ZNF606: variants seen among roughly 807,000 people sequenced by gnomAD.
ZNF606 encodes the protein zinc finger protein 328.
A neutral mutation model predicts 74.9 loss-of-function variants in ZNF606; 37 were observed. The ratio of observed to expected loss-of-function variants is 0.49; its 90% CI spans 0.38 to 0.65. The LOEUF (loss-of-function observed/expected upper bound fraction) is 0.65, where lower values mean the gene tolerates loss of function less well. Among genes scored for constraint, ZNF606 ranks in the 30% least tolerant of loss-of-function variants. ZNF606 has a pLI of 0.00. For synonymous variants in ZNF606, 328 were observed against 312.4 expected (o/e 1.05, Z -0.53); for missense variants, 852 against 952.9 (o/e 0.89, Z 1.39).
chr19:57,979,414 A>G lies in ZNF606; in HGVS notation c.1266T>C (p.His422=). 6.2e-7 allele frequency: 1 copy of G among 1,613,862 alleles called. No individual in the cohort carries two copies. Among genetic ancestry groups the G allele is most frequent in the East Asian group, 2.2e-5 (1 of 44,858 alleles). Residue 422 remains histidine (H), a synonymous_variant, in exon 7 of 7, where the codon CAT becomes CAC. Coordinates refer to ENST00000551380, the MANE Select transcript of ZNF606 (RefSeq NM_001348022.3). The part of the protein sequence containing the change: ...SSYLIQHKKT[H]TGEKPYECDK... ...CACATTCATAGGGTTTTTCTCCAGT[A>G]TGAGTTTTCTTATGTTGAATAAGGT...
chr19:58,000,141 A>G (rs562823789), intron 3 of ZNF606: 2 of 530,246 alleles, frequency 3.8e-6, no homozygotes, highest in Non-Finnish European at 6.7e-6. Flanking sequence ...TCTGGTCACA[A>G]CCTTCCTGGG....
chr19:58,002,354 C>G, intron 1 of ZNF606, 42 bp downstream of exon 1: 1 of 456,764 alleles, frequency 2.2e-6, no homozygotes, highest in Non-Finnish European at 4.4e-6. Flanking sequence ...CTCCTCAAGA[C>G]CGACGCGGCC....
At chr19:57,981,829 G>A (rs1412575539) in intron 6 of ZNF606, among the ~76,000 whole-genome samples, 2 of 152,198 alleles carry the variant, frequency 1.3e-5, no homozygotes, top group Non-Finnish European at 2.9e-5. Context: ...AGACAGCATA[G>A]TGTGAAAAAA....
intron 4 of ZNF606, among the ~76,000 whole-genome samples, chr19:57,994,443 C>T (rs902298932): frequency 3.9e-5 from 6 of 152,178 alleles, no homozygotes; most frequent in Non-Finnish European, 8.8e-5. Context: ...AAACACTAGC[C>T]ATAAACAAAG....
At chr19:57,981,187 G>C (rs1056585780) in intron 6 of ZNF606, among the ~76,000 whole-genome samples, 8 of 152,164 alleles carry the variant, frequency 5.3e-5, no homozygotes, top group Non-Finnish European at 1.0e-4. Context: ...AAGTTTCCTA[G>C]TAGAAATTTC....
chr19:57,978,850 G>A lies in ZNF606; in HGVS notation c.1830C>T (p.Ala610=). 2.5e-6 allele frequency: 4 copies of A among 1,614,080 alleles called. No individual in the cohort carries two copies. The highest frequency in any genetic ancestry group is 3.4e-6 in the Non-Finnish European group (4 of 1,180,002). ...AATGAATTATCTCATGTTTAGTGAG[G>A]GCTGAGCGTTCTCTGAATGCTTTGC... ...ECGKAFRERS[A]LTKHEIIHSG... The change falls in exon 7 of 7, where the codon GCC becomes GCT. Residue 610 remains alanine (A), a synonymous_variant. Coordinates refer to ENST00000551380, the MANE Select transcript of ZNF606 (RefSeq NM_001348022.3). This position sits in a 1 kb window ranked among gnomAD's most constrained non-coding sequence, Gnocchi z 4.4.
chr19:58,001,481 T>C, intron 1 of ZNF606, 111 bp from the exon 2 acceptor site: 1 of 766,366 alleles, frequency 1.3e-6, no homozygotes, highest in Non-Finnish European at 2.2e-6. Context: ...GTAAGGAGCA[T>C]CGTAAGAAAA....
chr19:57,991,177 T>C (rs572949678), intron 4 of ZNF606, among the ~76,000 whole-genome samples: 25 of 152,304 alleles, frequency 1.6e-4, no homozygotes, highest in African/African-American at 5.8e-4. Flanking sequence ...TGTTCCTTGG[T>C]ATTGGAAATT....
rs540889011 is a variant in ZNF606, at chr19:57,984,978, C to T, written c.400+3229G>A. Among the ~76,000 whole-genome samples the T allele has an allele frequency of 1.8e-4, 27 of 152,126 alleles. No individual in the cohort carries two copies. The South Asian group carries it at 5.6e-3, about 32-fold the overall frequency. ...GGCGTGGTGTCGGGCGCCTGTAGTC[C>T]CACCTACTAGGGGGGCTGAGGCAGC... On this transcript the variant is annotated intron_variant, in intron 6 of 6. Transcript: ENST00000551380.
rs984684072 is a variant in ZNF606 at position 58,002,703 on chromosome 19, C to T, written c.-359G>A. 2 of 453,670 alleles carry T rather than the reference C, an allele frequency of 4.4e-6. No individual in the cohort carries two copies. The highest frequency in any genetic ancestry group is 8.9e-6 in the Non-Finnish European group (2 of 225,914). The allele number at this position is 453,670 out of a possible 1,614,324, so 28.1% of individuals were successfully genotyped here. On this transcript the variant is annotated 5_prime_UTR_variant, in exon 1 of 7. Transcript: ENST00000551380. ...GCAGGCGCAGGACCCACCCTGACGC[C>T]GCCTCTCCCAGCCGGCTCTCCTGAC...
intron 6 of ZNF606, among the ~76,000 whole-genome samples, chr19:57,984,010 A>T (rs1468781164): frequency 6.6e-6 from 1 of 152,224 alleles, no homozygotes; most frequent in African/African-American, 2.4e-5. Flanking sequence ...GGCTAATAAC[A>T]AGTGAGAATT....
Position 57,995,586 on chromosome 19 carries a change from G to C in ZNF606, c.177+4222C>G, listed in dbSNP as rs568649829. Among the ~76,000 whole-genome samples, 6 of 152,248 alleles carry C rather than the reference G, an allele frequency of 3.9e-5. No homozygotes were observed. The South Asian group carries it at 1.2e-3, about 32-fold the overall frequency. On this transcript the variant is annotated intron_variant, in intron 4 of 6. Coordinates refer to ENST00000551380, the MANE Select transcript of ZNF606 (RefSeq NM_001348022.3). ...CTCACACCTATAATCCCAGCACTTT[G>C]AGGCAGGCAGATCACTGAGGACAGG...
intron 4 of ZNF606, chr19:57,998,655 T>C (rs1039725808): frequency 3.3e-5 from 5 of 152,200 alleles, no homozygotes; most frequent in Non-Finnish European, 7.3e-5. Flanking sequence ...CACAATTCTG[T>C]GACTATACGA....
upstream of ZNF606, chr19:58,003,129 C>A (rs1217034378): frequency 2.4e-6 from 1 of 421,898 alleles, no homozygotes; most frequent in Admixed American, 2.5e-5. Context: ...AGGAGCTCGG[C>A]GAGTTCTCAG....
intron 4 of ZNF606, among the ~76,000 whole-genome samples, chr19:57,995,825 G>A (rs2073332186): frequency 6.6e-6 from 1 of 151,958 alleles, no homozygotes; most frequent in African/African-American, 2.4e-5. Context: ...TCAAAAAAAA[G>A]AAAAAGACTG....
intron 4 of ZNF606, among the ~76,000 whole-genome samples, chr19:57,990,088 C>T (rs897304843): frequency 7.5e-6 from 1 of 132,520 alleles, no homozygotes; most frequent in Non-Finnish European, 1.6e-5. Context: ...AAGAGCCGGG[C>T]GCAGTGGCTC....
upstream of ZNF606, chr19:58,003,100 T>C (rs1343132615): frequency 4.9e-6 from 2 of 407,488 alleles, no homozygotes; most frequent in Non-Finnish European, 1.0e-5. Flanking sequence ...TGGCGCCTCG[T>C]GGTACCGGGT....
intron 4 of ZNF606, among the ~76,000 whole-genome samples, chr19:57,995,557 G>A (rs548596949): frequency 6.6e-6 from 1 of 152,332 alleles, no homozygotes; most frequent in East Asian, 1.9e-4. Flanking sequence ...GCTGGGTGCA[G>A]TGGCTCACAC....
chr19:58,000,885 T>G, intron 2 of ZNF606, 146 bp from the exon 3 acceptor site: 1 of 702,616 alleles, frequency 1.4e-6, no homozygotes, highest in Non-Finnish European at 2.3e-6. Context: ...CAACATAAGC[T>G]GGATTCACAC....
Sources: allele counts gnomAD v4.1 joint callset (sites outside exome capture counted in the v4.1 genomes callset), GRCh38; gene constraint gnomAD v4.1.1; non-coding constraint Gnocchi (gnomAD v3.1); transcripts MANE v1.5; gene names NCBI Gene and HGNC (gene_info 2026-07-23, HGNC 2026-07-21).